Variants in LRP1B observed in about 807,000 individuals in gnomAD.
LRP1B encodes the protein low-density lipoprotein receptor-related protein 1B.
Under a neutral mutation model 556.6 loss-of-function variants are expected in LRP1B, and 217 were observed. The observed-to-expected ratio is 0.39, with a 90% CI of 0.35 to 0.44. LRP1B has a LOEUF of 0.44. LRP1B is among the 20% of genes least tolerant of loss of function. The pLI is 1.00. For missense variants in LRP1B, 5,053 were observed against 5,620.8 expected (o/e 0.90, Z 3.23); for synonymous variants, 2,047 against 1,865.8 (o/e 1.10, Z -2.50).
chr2:141,301,423 A>AT, intron 3 of LRP1B, among the ~76,000 whole-genome samples: 1 of 152,296 alleles, frequency 6.6e-6, no homozygotes, highest in South Asian at 2.1e-4. Context: ...AATATATTCT[A>AT]TTGTTTAGTG....
chr2:141,210,969 A>G (rs1682514713), intron 6 of LRP1B, among the ~76,000 whole-genome samples: 1 of 152,086 alleles, frequency 6.6e-6, no homozygotes, highest in African/African-American at 2.4e-5. Context: ...GAGTGCTAAG[A>G]GGTTTATTTT....
intron 1 of LRP1B, among the ~76,000 whole-genome samples, chr2:142,128,508 G>A (rs1707737017): frequency 6.6e-6 from 1 of 152,162 alleles, no homozygotes; most frequent in South Asian, 2.1e-4. Flanking sequence ...TCATAATGCA[G>A]TAACACTTTC....
chr2:140,237,713 T>A (rs1004097288), intron 89 of LRP1B, among the ~76,000 whole-genome samples: 6 of 150,738 alleles, frequency 4.0e-5, no homozygotes, highest in East Asian at 3.9e-4. Flanking sequence ...CTTGCATATA[T>A]TTCAACATTG....
chr2:141,578,351 C>T (rs995552793), intron 2 of LRP1B, among the ~76,000 whole-genome samples: 2 of 149,260 alleles, frequency 1.3e-5, no homozygotes, highest in African/African-American at 2.5e-5. Flanking sequence ...GAGCCAATAT[C>T]GTGCCATTGC....
intron 2 of LRP1B, among the ~76,000 whole-genome samples, chr2:141,536,130 C>G (rs112704722): frequency 6.6e-6 from 1 of 151,966 alleles, no homozygotes; most frequent in African/African-American, 2.4e-5. Context: ...GATCCAAAAG[C>G]GCAACACTTT....
At chr2:141,831,222 T>C (rs970488603) in intron 1 of LRP1B, among the ~76,000 whole-genome samples, 2 of 151,736 alleles carry the variant, frequency 1.3e-5, no homozygotes, top group Admixed American at 6.6e-5. Flanking sequence ...TCACTTTATA[T>C]ATATAAAATA....
At chr2:140,487,914 ATCG>A (rs1688539491) in intron 57 of LRP1B, among the ~76,000 whole-genome samples, 175 bp from the exon 58 acceptor site, 1 of 151,936 alleles carries the variant, frequency 6.6e-6, no homozygotes, top group South Asian at 2.1e-4. Flanking sequence ...TTTTCCTTAC[ATCG>A]TATGTTTAAA....
chr2:140,942,856 T>C (rs1023276330), intron 20 of LRP1B, among the ~76,000 whole-genome samples: 2 of 152,134 alleles, frequency 1.3e-5, no homozygotes, highest in African/African-American at 4.8e-5. Flanking sequence ...CCACAGGCCC[T>C]ATGAAGCAAC....
chr2:141,784,144 A>G (rs1181200038), intron 2 of LRP1B, among the ~76,000 whole-genome samples: 1 of 152,016 alleles, frequency 6.6e-6, no homozygotes, highest in Non-Finnish European at 1.5e-5. Flanking sequence ...TGACAGATAT[A>G]CAAGGTAAAA....
At chr2:141,258,287 C>A (rs1684556341) in intron 3 of LRP1B, among the ~76,000 whole-genome samples, 1 of 152,084 alleles carries the variant, frequency 6.6e-6, no homozygotes, top group Admixed American at 6.6e-5. Context: ...AGATGGAGAC[C>A]ATTCTGCCCA....
intron 3 of LRP1B, among the ~76,000 whole-genome samples, chr2:141,469,341 A>C (rs1208471968): frequency 6.6e-6 from 1 of 152,194 alleles, no homozygotes. Context: ...AATATTACTT[A>C]ATGTATTGCA....
chr2:140,921,070 T>C (rs1411369233), intron 21 of LRP1B, among the ~76,000 whole-genome samples: 1 of 152,060 alleles, frequency 6.6e-6, no homozygotes, highest in African/African-American at 2.4e-5. Flanking sequence ...TAGAATATTC[T>C]GTTAAATTTA....
At chr2:142,084,310 C>T (rs768667869) in intron 1 of LRP1B, among the ~76,000 whole-genome samples, 3 of 152,014 alleles carry the variant, frequency 2.0e-5, no homozygotes, top group African/African-American at 7.2e-5. Flanking sequence ...ATTCACGCTG[C>T]CCTGTTTCCC....
chr2:141,490,983 C>G (rs4284765), intron 2 of LRP1B, among the ~76,000 whole-genome samples: 47,231 of 149,204 alleles, frequency 0.32, 8,084 homozygotes, highest in Non-Finnish European at 0.38. Context: ...CTTTGCTAGC[C>G]AAGTTGATAT....
intron 1 of LRP1B, among the ~76,000 whole-genome samples, chr2:141,921,959 C>T (rs1474603492): frequency 1.3e-5 from 2 of 151,894 alleles, no homozygotes; most frequent in Admixed American, 1.3e-4. Flanking sequence ...GTCTTAAAGG[C>T]CATAAACCTT....
intron 1 of LRP1B, among the ~76,000 whole-genome samples, chr2:142,079,957 A>G (rs1705652982): frequency 6.6e-6 from 1 of 152,338 alleles, no homozygotes; most frequent in African/African-American, 2.4e-5. Flanking sequence ...AAGGAGTATC[A>G]GGGCATTAAG....
At chr2:141,910,534 T>G (rs1699881740) in intron 1 of LRP1B, among the ~76,000 whole-genome samples, 1 of 152,062 alleles carries the variant, frequency 6.6e-6, no homozygotes, top group Non-Finnish European at 1.5e-5. Context: ...TTTGGTAAGA[T>G]ATGGATCCTA....
At chr2:141,059,936 C>T (rs1334902852) in intron 8 of LRP1B, among the ~76,000 whole-genome samples, 1 of 151,766 alleles carries the variant, frequency 6.6e-6, no homozygotes, top group African/African-American at 2.4e-5. Flanking sequence ...GAAGTTGCCA[C>T]TTGATTTGCT....
intron 2 of LRP1B, among the ~76,000 whole-genome samples, chr2:141,695,276 G>C (rs1691696218): frequency 6.6e-6 from 1 of 151,764 alleles, no homozygotes; most frequent in Admixed American, 6.6e-5. Flanking sequence ...TGCCTCCTGG[G>C]GCAAATTTAC....
Sources: gnomAD v4.1 joint callset for allele counts (sites outside exome capture counted in the v4.1 genomes callset) on GRCh38, gnomAD v4.1.1 for gene constraint, MANE v1.5 for transcripts, NCBI Gene and HGNC (gene_info 2026-07-23, HGNC 2026-07-21) for gene names.